The following TEK variants were observed in gnomAD, a reference collection of about 807,000 sequenced individuals.
The protein encoded by TEK is angiopoietin-1 receptor.
Under a neutral mutation model 131.8 loss-of-function variants are expected in TEK, and 43 were observed. The ratio of observed to expected loss-of-function variants is 0.33; its 90% confidence interval spans 0.26 to 0.42. TEK has a LOEUF of 0.42. TEK is among the 10% of genes least tolerant of loss of function. The probability of loss-of-function intolerance (pLI) is 1.00; values close to 1 mark genes in which losing one functional copy is unlikely to be tolerated. For missense variants in TEK, 1,162 were observed against 1,384.4 expected, an observed-to-expected ratio of 0.84 and a Z score of 2.55; for synonymous variants, 580 against 491.6, an observed-to-expected ratio of 1.18 and a Z score of -2.38.
chr9:27,112,543 C>T (rs1821387154), intron 1 of TEK, among the ~76,000 whole-genome samples: 1 of 152,178 alleles, frequency 6.6e-6, no homozygotes, highest in Non-Finnish European at 1.5e-5. Flanking sequence ...CAAGGCGTCT[C>T]TCCAGGAGGG....
chr9:27,111,943 G>C (rs1409130776), intron 1 of TEK, among the ~76,000 whole-genome samples: 1 of 143,280 alleles, frequency 7.0e-6, no homozygotes, highest in Admixed American at 7.4e-5. Context: ...CTGTCACCCA[G>C]ACTAGAATGT....
At chr9:27,216,804 TC>T (rs1231571171) in intron 18 of TEK, among the ~76,000 whole-genome samples, 4 of 152,100 alleles carry the variant, frequency 2.6e-5, no homozygotes, top group African/African-American at 9.7e-5. Context: ...CCTCAAGTGC[TC>T]CTGGTTTTGT....
chr9:27,227,844 A>T lies in TEK; in HGVS notation c.3201-362A>T, dbSNP rs368482704. 7.2e-5 allele frequency among the ~76,000 whole-genome samples: 11 copies of T among 152,322 alleles called. No individual in the cohort carries two copies. The East Asian group carries it at 1.9e-3, about 27-fold the overall frequency. On this transcript the variant is annotated intron_variant, in intron 21 of 22. Transcript: ENST00000380036. ...AAGTCCTGCCTCTTAAAGGGACTTTATGTGGGTGGCATTTTACAAGTTTGA... is the reference window on the plus strand; with the variant it reads ...AAGTCCTGCCTCTTAAAGGGACTTTTTGTGGGTGGCATTTTACAAGTTTGA...
At chr9:27,166,751 A>ATG (rs376404078) in intron 2 of TEK, among the ~76,000 whole-genome samples, 2 of 152,058 alleles carry the variant, frequency 1.3e-5, no homozygotes, top group Non-Finnish European at 2.9e-5. Context: ...ACACAGTTTT[A>ATG]TGTGTGTGTG....
At chr9:27,185,403 C>T in intron 8 of TEK, 82 bp from the exon 9 acceptor site, 1 of 1,544,090 alleles carries the variant, frequency 6.5e-7, no homozygotes. Context: ...TCTTATTAAA[C>T]AATGAGATGG....
rs1315371549 is a variant in TEK, at chr9:27,169,477, G to T, written c.476G>T (p.Gly159Val). The part of the protein sequence containing the change: ...KEEDAVIYKN[G>V]SFIHSVPRHE... ...GTTCTTCACTCTTCCCTCTTACTAGGTTCCTTCATCCATTCAGTGCCCCGG... is the reference window on the plus strand; with the variant it reads ...GTTCTTCACTCTTCCCTCTTACTAGTTTCCTTCATCCATTCAGTGCCCCGG... The change falls in exon 4 of 23, where the codon GGT becomes GTT. Residue 159 changes from glycine to valine, a missense_variant and splice_region_variant. Gly to Val is a moderately radical substitution (Grantham distance 109). Coordinates refer to ENST00000380036, the MANE Select transcript of TEK (RefSeq NM_000459.5). 6.2e-7 allele frequency: 1 copy of T among 1,613,902 alleles called. No individual in the cohort carries two copies. Among genetic ancestry groups the T allele is most frequent in the Non-Finnish European group, 8.5e-7 (1 of 1,179,882 alleles).
rs532928833 is a variant in TEK at position 27,174,454 on chromosome 9, AAT to A, written c.901+1095_901+1096del. On this transcript the variant is annotated intron_variant, in intron 6 of 22. Transcript: ENST00000380036. Reference sequence around the variant, plus strand: ...TGAAATAATTTTGATCTATTAACCCAATATGTTAAAAACATTATCAGTTCAAC... The same window carrying A: ...TGAAATAATTTTGATCTATTAACCCAATGTTAAAAACATTATCAGTTCAAC... Among the ~76,000 whole-genome samples, 191 of 152,380 alleles carry A rather than the reference AAT, an allele frequency of 1.3e-3. 1 individual carries two copies. The highest frequency in any genetic ancestry group is 4.4e-3 in the African/African-American group (184 of 41,592).
intron 21 of TEK, among the ~76,000 whole-genome samples, chr9:27,223,561 G>A (rs1339366965): frequency 6.6e-6 from 1 of 152,156 alleles, no homozygotes; most frequent in African/African-American, 2.4e-5. Context: ...GATGTTCTCT[G>A]AAACCAGTGA....
At chr9:27,137,728 A>T (rs67667821) in intron 1 of TEK, among the ~76,000 whole-genome samples, 2 of 151,812 alleles carry the variant, frequency 1.3e-5, no homozygotes, top group African/African-American at 4.8e-5. Context: ...GAGATCCCAG[A>T]GGCTCACTAT....
Position 27,157,878 on chromosome 9 carries a change from C to A in TEK, c.100C>A (p.Leu34Ile). 6.2e-7 allele frequency: 1 copy of A among 1,614,058 alleles called. No homozygotes were observed. The highest frequency in any genetic ancestry group is 8.5e-7 in the Non-Finnish European group (1 of 1,179,992). The change falls in exon 2 of 23, where the codon CTT becomes ATT. Residue 34 changes from leucine to isoleucine, a missense_variant. This residue lies in a region of TEK where 436 missense variants were observed against 539.1 expected (regional missense o/e 0.81). Coordinates refer to ENST00000380036, the MANE Select transcript of TEK (RefSeq NM_000459.5). ...MDLILINSLPLVSDAETSLTC... is the reference protein window; with the variant it reads ...MDLILINSLPIVSDAETSLTC... ...CTTGATCTTGATCAATTCCCTACCTCTTGTATCTGATGCTGAAACATCTCT... is the reference window on the plus strand; with the variant it reads ...CTTGATCTTGATCAATTCCCTACCTATTGTATCTGATGCTGAAACATCTCT...
At chr9:27,170,145 T>A (rs190867984) in intron 4 of TEK, among the ~76,000 whole-genome samples, 1 of 152,018 alleles carries the variant, frequency 6.6e-6, no homozygotes, top group Admixed American at 6.6e-5. Flanking sequence ...AACCATCAAA[T>A]CTCATGAGAA....
chr9:27,195,771 T>C, intron 11 of TEK: 1 of 447,528 alleles, frequency 2.2e-6, no homozygotes, highest in South Asian at 1.6e-5. Flanking sequence ...TTTTCTCACT[T>C]ATTACTCCTG....
intron 2 of TEK, among the ~76,000 whole-genome samples, chr9:27,161,236 C>T (rs763582906): frequency 6.6e-6 from 1 of 152,168 alleles, no homozygotes; most frequent in Non-Finnish European, 1.5e-5. Context: ...GAAACACTAA[C>T]GAGAAGATGG....
At chr9:27,145,702 T>C (rs1822890668) in intron 1 of TEK, among the ~76,000 whole-genome samples, 1 of 152,240 alleles carries the variant, frequency 6.6e-6, no homozygotes, top group African/African-American at 2.4e-5. Context: ...TTTCAGTTAC[T>C]GCTAGAATTG....
chr9:27,127,068 G>A (rs1822015435), intron 1 of TEK, among the ~76,000 whole-genome samples: 1 of 152,112 alleles, frequency 6.6e-6, no homozygotes, highest in African/African-American at 2.4e-5. Context: ...ATGGTGGTTT[G>A]CTGCAGCTAT....
Position 27,138,299 on chromosome 9 carries a change from T to TGCTGATTGGTCCATTTTGCAGAGA in TEK, c.53-19514_53-19491dup, listed in dbSNP as rs369214984. Among the ~76,000 whole-genome samples the TGCTGATTGGTCCATTTTGCAGAGA allele has an allele frequency of 2.4e-3, 368 of 152,102 alleles. 3 individuals are homozygous for TGCTGATTGGTCCATTTTGCAGAGA. The highest frequency in any genetic ancestry group is 8.4e-3 in the African/African-American group (349 of 41,352). ...CCCTTATTTGGCCCTGCCCACATCC[T>TGCTGATTGGTCCATTTTGCAGAGA]GCTGATTGGTCCATTTTGCAGAGAG... is the stretch of plus-strand genomic sequence containing the variant. On this transcript the variant is annotated intron_variant, in intron 1 of 22. Coordinates refer to ENST00000380036, the MANE Select transcript of TEK (RefSeq NM_000459.5).
chr9:27,136,780 T>C (rs1256226075), intron 1 of TEK, among the ~76,000 whole-genome samples: 2 of 152,196 alleles, frequency 1.3e-5, no homozygotes, highest in Admixed American at 6.5e-5. Flanking sequence ...TTTTTCTCTT[T>C]CCTTTTGTGC....
Position 27,229,571 on chromosome 9 carries a change from T to C in TEK, c.*339T>C, listed in dbSNP as rs913830254. On this transcript the variant is annotated 3_prime_UTR_variant, in exon 23 of 23. Transcript: ENST00000380036. ...CTCATTGTTGTCCTAGATATTTTGA[T>C]ATTTACCTTTATGTTGAATGCTATT... 3.2e-6 allele frequency: 1 copy of C among 317,060 alleles called. No individual in the cohort carries two copies. Among genetic ancestry groups the C allele is most frequent in the African/African-American group, 2.1e-5 (1 of 47,356 alleles). 19.6% of individuals were successfully genotyped at this position (317,060 alleles called of 1,614,324 possible). A position where few individuals can be genotyped will look rare whatever the true frequency, so the allele number is the denominator to read the frequency against.
At chr9:27,183,862 A>G (rs1373321022) in intron 8 of TEK, among the ~76,000 whole-genome samples, 1 of 152,240 alleles carries the variant, frequency 6.6e-6, no homozygotes, top group Non-Finnish European at 1.5e-5. Context: ...CTGGGTGCCA[A>G]GGATGGCACA....
Sources: gnomAD v4.1 joint callset for allele counts (sites outside exome capture counted in the v4.1 genomes callset) on GRCh38, gnomAD v4.1.1 for gene constraint, gnomAD v4.1.1 regional missense constraint, MANE v1.5 for transcripts, NCBI Gene and HGNC (gene_info 2026-07-23, HGNC 2026-07-21) for gene names.